Variants in TMEM266 observed in about 807,000 individuals in gnomAD.
TMEM266 encodes Hv1 related protein 1.
A neutral mutation model predicts 50.5 loss-of-function variants in TMEM266; 33 were observed. The ratio of observed to expected loss-of-function variants is 0.65; its 90% CI spans 0.50 to 0.87. The LOEUF is 0.87. TMEM266 is among the 40% of genes least tolerant of loss of function. The pLI is 0.00. For synonymous variants in TMEM266, 310 were observed against 292.3 expected (o/e 1.06, Z -0.62); for missense variants, 655 against 695.1 (o/e 0.94, Z 0.65).
chr15:76,193,033 CT>C, intron 9 of TMEM266, among the ~76,000 whole-genome samples: 1 of 152,228 alleles, frequency 6.6e-6, no homozygotes, highest in South Asian at 2.1e-4. Flanking sequence ...GGCTGAGCAG[CT>C]GGGGAGGCAA....
chr15:76,089,521 A>G lies in TMEM266; in HGVS notation c.-97+29505A>G, dbSNP rs141772640. Among the ~76,000 whole-genome samples, 143 of 152,184 alleles carry G rather than the reference A, an allele frequency of 9.4e-4. 1 individual carries two copies. In the South Asian group the frequency reaches 0.015, roughly 16 times the overall value. On this transcript the variant is annotated intron_variant, in intron 1 of 10. Coordinates refer to ENST00000388942, the MANE Select transcript of TMEM266 (RefSeq NM_152335.3). ...AAGTTTCTTATAGCTGAATTGTAGA[A>G]TTCGTGGGGTTGAAGGGTGAGAGGG...
chr15:76,107,299 T>G lies in TMEM266; in HGVS notation c.-96-26869T>G, dbSNP rs965053017. On this transcript the variant is annotated intron_variant, in intron 1 of 10. Transcript: ENST00000388942. ...TGTGTATTTTACAAGCACGGCACATTTCAGATGAGCTAGCTGCATTTCAAG... is the reference window on the plus strand; with the variant it reads ...TGTGTATTTTACAAGCACGGCACATGTCAGATGAGCTAGCTGCATTTCAAG... Among the ~76,000 whole-genome samples, 6 of 152,186 alleles carry G rather than the reference T, an allele frequency of 3.9e-5. 1 individual carries two copies. Among genetic ancestry groups the G allele is most frequent in the Non-Finnish European group, 8.8e-5 (6 of 68,030 alleles).
intron 8 of TMEM266, among the ~76,000 whole-genome samples, chr15:76,187,185 G>T (rs1273598319): frequency 6.6e-6 from 1 of 152,224 alleles, no homozygotes; most frequent in Non-Finnish European, 1.5e-5. Flanking sequence ...CACACTTGGA[G>T]TTCATCTCTT....
intron 1 of TMEM266, among the ~76,000 whole-genome samples, chr15:76,092,148 A>G (rs1359024192): frequency 6.6e-6 from 1 of 152,136 alleles, no homozygotes; most frequent in Non-Finnish European, 1.5e-5. Flanking sequence ...CAACATGGAT[A>G]TAATGAAATA....
chr15:76,173,018 G>A (rs374518983), intron 7 of TMEM266, among the ~76,000 whole-genome samples: 1 of 152,124 alleles, frequency 6.6e-6, no homozygotes. Flanking sequence ...CGGAGCTACC[G>A]GGAGCCTCAG....
intron 1 of TMEM266, chr15:76,108,906 A>G (rs1429004386): frequency 6.6e-6 from 1 of 152,148 alleles, no homozygotes; most frequent in African/African-American, 2.4e-5. Flanking sequence ...TACTAACTGT[A>G]TTTACTATCT....
At chr15:76,145,216 T>C (rs1306485954) in intron 3 of TMEM266, among the ~76,000 whole-genome samples, 2 of 152,194 alleles carry the variant, frequency 1.3e-5, no homozygotes, top group Admixed American at 6.5e-5. Context: ...CTGAGAGCCA[T>C]GTGACCCCTA....
chr15:76,067,292 C>T (rs944440817), intron 1 of TMEM266, among the ~76,000 whole-genome samples: 1 of 152,144 alleles, frequency 6.6e-6, no homozygotes, highest in Non-Finnish European at 1.5e-5. Flanking sequence ...TGCAGACCAT[C>T]TTCTTACTCC....
chr15:76,111,505 G>T (rs928462755), intron 1 of TMEM266, among the ~76,000 whole-genome samples: 44 of 151,552 alleles, frequency 2.9e-4, no homozygotes, highest in African/African-American at 1.0e-3. Context: ...ACAATAAAGC[G>T]ATTCTCCTGC....
At chr15:76,202,143 G>GT (rs2038758097) in intron 9 of TMEM266, 59 bp from the exon 10 acceptor site, 2 of 1,454,238 alleles carry the variant, frequency 1.4e-6, no homozygotes, top group Non-Finnish European at 1.9e-6. Flanking sequence ...GGGGACAGGA[G>GT]TATAAGGGGT....
intron 5 of TMEM266, among the ~76,000 whole-genome samples, chr15:76,167,988 G>C (rs1359064861): frequency 6.6e-6 from 1 of 152,196 alleles, no homozygotes; most frequent in Non-Finnish European, 1.5e-5. Flanking sequence ...CAGACATATA[G>C]TAGATGGCAG....
intron 1 of TMEM266, among the ~76,000 whole-genome samples, chr15:76,087,203 G>A (rs536891492): frequency 1.3e-5 from 2 of 152,250 alleles, no homozygotes; most frequent in African/African-American, 4.8e-5. Context: ...TGGAAGTGGT[G>A]TGGAGAAGGC....
chr15:76,155,211 C>T (rs192557208), intron 3 of TMEM266, among the ~76,000 whole-genome samples: 6 of 152,348 alleles, frequency 3.9e-5, no homozygotes, highest in East Asian at 1.9e-4. Context: ...TGGGCTGGTG[C>T]TGTGGCTGCC....
At chr15:76,181,803 T>G (rs989084992) in intron 8 of TMEM266, among the ~76,000 whole-genome samples, 1 of 152,216 alleles carries the variant, frequency 6.6e-6, no homozygotes, top group African/African-American at 2.4e-5. Flanking sequence ...AAACCACCTC[T>G]GAGGTTTTAT....
At chr15:76,119,153 ATATTGAT>A (rs1446974956) in intron 1 of TMEM266, among the ~76,000 whole-genome samples, 1 of 152,160 alleles carries the variant, frequency 6.6e-6, no homozygotes, top group East Asian at 1.9e-4. Flanking sequence ...ACTAGCCTAT[ATATTGAT>A]ATACCAGTAA....
At chr15:76,138,054 T>A (rs770320372) in intron 3 of TMEM266, among the ~76,000 whole-genome samples, 159 bp downstream of exon 3, 8 of 151,926 alleles carry the variant, frequency 5.3e-5, no homozygotes, top group Non-Finnish European at 1.2e-4. Flanking sequence ...AAACCCTGTC[T>A]CTACTAAAAA....
At chr15:76,093,923 G>A (rs1172864459) in intron 1 of TMEM266, among the ~76,000 whole-genome samples, 1 of 151,998 alleles carries the variant, frequency 6.6e-6, no homozygotes, top group Non-Finnish European at 1.5e-5. Context: ...CTTTTGAAAA[G>A]GGTCTGTTCA....
rs2038722627 is a variant in TMEM266 at position 76,200,154 on chromosome 15, A to G, written c.959-2048A>G. Among the ~76,000 whole-genome samples, 3 of 152,300 alleles carry G rather than the reference A, an allele frequency of 2.0e-5. No individual in the cohort carries two copies. In the South Asian group the frequency reaches 6.2e-4, roughly 32 times the overall value. On this transcript the variant is annotated intron_variant, in intron 9 of 10. Transcript: ENST00000388942. Reference sequence around the variant, plus strand: ...CTGTGACTCCACTGAGCACAGATGAATGAGAAGCTGCCCAGGAGCTGATGA... The same window carrying G: ...CTGTGACTCCACTGAGCACAGATGAGTGAGAAGCTGCCCAGGAGCTGATGA...
intron 1 of TMEM266, among the ~76,000 whole-genome samples, chr15:76,099,345 T>C (rs979454058): frequency 1.3e-5 from 2 of 152,228 alleles, no homozygotes; most frequent in Non-Finnish European, 2.9e-5. Flanking sequence ...CCCTGACCTC[T>C]TGTGCTTCCC....
Sources: gnomAD v4.1 joint callset for allele counts (sites outside exome capture counted in the v4.1 genomes callset) on GRCh38, gnomAD v4.1.1 for gene constraint, MANE v1.5 for transcripts, NCBI Gene and HGNC (gene_info 2026-07-23, HGNC 2026-07-21) for gene names.